CNTNAP3B: variants seen among roughly 807,000 people sequenced by gnomAD.
CNTNAP3B encodes the protein contactin-associated protein-like 3B.
CNTNAP3B carries 25 observed loss-of-function variants against 108.9 expected under a neutral mutation model. The ratio of observed to expected loss-of-function variants is 0.23; its 90% CI spans 0.17 to 0.32. The LOEUF (loss-of-function observed/expected upper bound fraction) is 0.32. Among genes scored for constraint, CNTNAP3B ranks in the 10% least tolerant of loss-of-function variants. CNTNAP3B has a pLI of 1.00. For synonymous variants in CNTNAP3B, 103 were observed against 473.4 expected (o/e 0.22, Z 10.16); for missense variants, 252 against 1,210.4 (o/e 0.21, Z 11.75).
chr9:42,112,477 G>A (rs1432658640), intron 1 of CNTNAP3B, among the ~76,000 whole-genome samples: 1 of 139,050 alleles, frequency 7.2e-6, no homozygotes, highest in African/African-American at 2.9e-5. Flanking sequence ...ATTCTGGGGT[G>A]AGGAAGAGAG....
chr9:42,061,317 C>CTTTTT (rs57755649), intron 3 of CNTNAP3B, among the ~76,000 whole-genome samples: 63 of 93,056 alleles, frequency 6.8e-4, no homozygotes, highest in Non-Finnish European at 7.5e-4. Flanking sequence ...TTTTCTTTTT[C>CTTTTT]TTTTTTTTTT....
chr9:41,926,270 C>G (rs1204361912), intron 15 of CNTNAP3B, among the ~76,000 whole-genome samples: 1 of 152,086 alleles, frequency 6.6e-6, no homozygotes, highest in African/African-American at 2.4e-5. Flanking sequence ...GCTTCTAACC[C>G]AGTGGTCATT....
At chr9:41,928,036 C>A (rs959653582) in intron 15 of CNTNAP3B, among the ~76,000 whole-genome samples, 1 of 151,964 alleles carries the variant, frequency 6.6e-6, no homozygotes, top group Non-Finnish European at 1.5e-5. Context: ...AAGCATATTT[C>A]ATTTTAGAAA....
chr9:42,041,690 A>T (rs1469738692), intron 3 of CNTNAP3B, among the ~76,000 whole-genome samples: 1 of 141,928 alleles, frequency 7.0e-6, no homozygotes, highest in Non-Finnish European at 1.5e-5. Flanking sequence ...CAATTCCTCA[A>T]GGATCTAGAA....
chr9:42,095,817 C>T lies in CNTNAP3B; in HGVS notation c.196+8812G>A, dbSNP rs994317349. On this transcript the variant is annotated intron_variant, in intron 2 of 23. Transcript: ENST00000377561. ...TTCCCCTTCATCCCCAGAGTTAACT[C>T]TGGTCTCTTCTGGCTTTGCTAATTG... Among the ~76,000 whole-genome samples the T allele has an allele frequency of 3.7e-5, 5 of 136,386 alleles. 1 individual carries two copies. The highest frequency in any genetic ancestry group is 1.5e-4 in the African/African-American group (5 of 33,798). The allele number at this position is 136,386 out of a possible 152,430, so 89.5% of individuals were successfully genotyped here.
In CNTNAP3B at chr9:42,101,916, G is replaced by T. The variant is rs1345756914; in HGVS notation, c.196+2713C>A. Among the ~76,000 whole-genome samples the T allele has an allele frequency of 6.4e-5, 6 of 93,052 alleles. 2 individuals are homozygous for T. Among genetic ancestry groups the T allele is most frequent in the Non-Finnish European group, 1.3e-4 (6 of 44,692 alleles). The allele number at this position is 93,052 out of a possible 152,430, so 61.0% of individuals were successfully genotyped here. ...TACTAAAAATACAAAAATTAGCCTG[G>T]TGTGGTGGCGGGCACCTGCAGTTCC... On this transcript the variant is annotated intron_variant, in intron 2 of 23. Transcript: ENST00000377561.
intron 2 of CNTNAP3B, among the ~76,000 whole-genome samples, chr9:42,097,631 TAATTA>T (rs1456123785): frequency 7.2e-6 from 1 of 138,972 alleles, no homozygotes; most frequent in Non-Finnish European, 1.5e-5. Flanking sequence ...CCTTATATCC[TAATTA>T]AATATTAGCT....
chr9:41,961,469 A>G (rs1459318284), intron 11 of CNTNAP3B, among the ~76,000 whole-genome samples: 2 of 152,308 alleles, frequency 1.3e-5, no homozygotes, highest in African/African-American at 2.4e-5. Context: ...CTCTATAATT[A>G]AGGAAGAAAC....
chr9:42,022,175 G>A (rs1826321265), intron 3 of CNTNAP3B, among the ~76,000 whole-genome samples: 1 of 123,196 alleles, frequency 8.1e-6, no homozygotes, highest in South Asian at 2.8e-4. Context: ...CATCAGTATT[G>A]TAGAATCTAA....
rs1311785368 is a variant in CNTNAP3B, at chr9:42,127,349, A to C, written c.85+1661T>G. On this transcript the variant is annotated intron_variant, in intron 1 of 23. Coordinates refer to ENST00000377561, the MANE Select transcript of CNTNAP3B (RefSeq NM_001201380.3). Reference sequence around the variant, plus strand: ...GTAATCCTTCCACTGGATTCCAAGCAAAATAACTATCAATACAACTAATCC... The same window carrying C: ...GTAATCCTTCCACTGGATTCCAAGCCAAATAACTATCAATACAACTAATCC... Among the ~76,000 whole-genome samples, 6 of 139,482 alleles carry C rather than the reference A, an allele frequency of 4.3e-5. 1 individual carries two copies. Among genetic ancestry groups the C allele is most frequent in the Admixed American group, 4.3e-4 (6 of 14,018 alleles). The allele number at this position is 139,482 out of a possible 152,430, so 91.5% of individuals were successfully genotyped here.
chr9:41,923,856 T>C (rs1163245196), intron 16 of CNTNAP3B, 67 bp downstream of exon 16: 2 of 1,581,234 alleles, frequency 1.3e-6, no homozygotes, highest in African/African-American at 1.4e-5. Flanking sequence ...ACTACCATTT[T>C]GTTGAGTTAA....
chr9:42,114,968 C>T lies in CNTNAP3B; in HGVS notation c.86-10229G>A, dbSNP rs71512006. Among the ~76,000 whole-genome samples the T allele has an allele frequency of 2.9e-5, 4 of 136,218 alleles. 1 individual carries two copies. The highest frequency in any genetic ancestry group is 2.9e-4 in the Admixed American group (4 of 13,642). 89.4% of individuals were successfully genotyped at this position (136,218 alleles called of 152,430 possible). The stretch of plus-strand genomic sequence containing the variant: ...ACTCGGGAGGCTGAGGCAGGAGAAT[C>T]ACTGGAACCCGGGAGGTGGAGGTTG... On this transcript the variant is annotated intron_variant, in intron 1 of 23. Coordinates refer to ENST00000377561, the MANE Select transcript of CNTNAP3B (RefSeq NM_001201380.3).
At chr9:42,112,646 C>G (rs1260109830) in intron 1 of CNTNAP3B, among the ~76,000 whole-genome samples, 1 of 136,880 alleles carries the variant, frequency 7.3e-6, no homozygotes, top group South Asian at 2.4e-4. Context: ...AGGGGTTACA[C>G]GTTGTCTCTC....
At chr9:42,063,882 C>T (rs1430775332) in intron 3 of CNTNAP3B, among the ~76,000 whole-genome samples, 3 of 150,410 alleles carry the variant, frequency 2.0e-5, no homozygotes, top group Non-Finnish European at 4.4e-5. Context: ...CCATGACACC[C>T]AGCCTATTGT....
intron 10 of CNTNAP3B, among the ~76,000 whole-genome samples, chr9:41,968,898 G>A (rs1825360079): frequency 6.6e-6 from 1 of 151,858 alleles, no homozygotes; most frequent in South Asian, 2.1e-4. Flanking sequence ...CCGGGTTCAC[G>A]CCATTCTCCT....
chr9:42,080,766 T>C (rs1827595921), intron 2 of CNTNAP3B, among the ~76,000 whole-genome samples: 1 of 104,848 alleles, frequency 9.5e-6, no homozygotes, highest in Non-Finnish European at 2.0e-5. Context: ...TAACTGAAAC[T>C]ACAGCACTTT....
In CNTNAP3B at chr9:42,030,800, AG is replaced by A. The variant is rs1826506072; in HGVS notation, c.391-17276del. ...AGAGAGAGAGATGTGTGCGAGAGAG[AG>A]AGAGAGAGAGAGGAGAGAGAGAGAG... On this transcript the variant is annotated intron_variant, in intron 3 of 23. Transcript: ENST00000377561. Among the ~76,000 whole-genome samples the A allele has an allele frequency of 6.8e-5, 6 of 87,620 alleles. 1 individual carries two copies. Among genetic ancestry groups the A allele is most frequent in the African/African-American group, 2.5e-4 (5 of 19,912 alleles). The allele number at this position is 87,620 out of a possible 152,430, so 57.5% of individuals were successfully genotyped here. A position where few individuals can be genotyped will look rare whatever the true frequency, so the allele number is the denominator to read the frequency against.
intron 12 of CNTNAP3B, among the ~76,000 whole-genome samples, chr9:41,954,144 CT>C (rs1450835024): frequency 6.6e-6 from 1 of 152,252 alleles, no homozygotes; most frequent in African/African-American, 2.4e-5. Flanking sequence ...CTGGTGCTGT[CT>C]GGTCCTTTAA....
chr9:41,956,063 T>C (rs763306907), intron 12 of CNTNAP3B, among the ~76,000 whole-genome samples: 5 of 152,234 alleles, frequency 3.3e-5, no homozygotes, highest in Non-Finnish European at 5.9e-5. Context: ...ATTTATTAAC[T>C]ACTGTACTGA....
Sources: allele counts gnomAD v4.1 joint callset (sites outside exome capture counted in the v4.1 genomes callset), GRCh38; gene constraint gnomAD v4.1.1; transcripts MANE v1.5; gene names NCBI Gene and HGNC (gene_info 2026-07-23, HGNC 2026-07-21).